Variants in ENPP1 observed in about 807,000 individuals in gnomAD.
The protein encoded by ENPP1 is ectonucleotide pyrophosphatase/phosphodiesterase 1.
Under a neutral mutation model 122.8 loss-of-function variants are expected in ENPP1, and 73 were observed. The observed-to-expected ratio is 0.59, with a 90% CI of 0.49 to 0.72. The LOEUF is 0.72. Among genes scored for constraint, ENPP1 ranks in the 30% least tolerant of loss-of-function variants. The probability of loss-of-function intolerance (pLI) is 0.00; values close to 1 mark genes in which losing one functional copy is unlikely to be tolerated. For synonymous variants in ENPP1, 367 were observed against 391.6 expected, an observed-to-expected ratio of 0.94 and a Z score of 0.74; for missense variants, 978 against 1,128.1, an observed-to-expected ratio of 0.87 and a Z score of 1.91.
rs909973941 is a variant in ENPP1, at chr6:131,893,488, C to T, written c.*2977C>T. The T allele has an allele frequency of 6.6e-6, 1 of 152,236 alleles. No individual in the cohort carries two copies. The highest frequency in any genetic ancestry group is 1.5e-5 in the Non-Finnish European group (1 of 68,048). The allele number at this position is 152,236 out of a possible 1,614,324, so 9.4% of individuals were successfully genotyped here. On this transcript the variant is annotated 3_prime_UTR_variant, in exon 25 of 25. Coordinates refer to ENST00000647893, the MANE Select transcript of ENPP1 (RefSeq NM_006208.3). The stretch of plus-strand genomic sequence containing the variant: ...TCAGATGAGCAAGGCAAAGAAGGGA[C>T]CTTCTAACATTCCTTGGATGGAACA...
intron 24 of ENPP1, among the ~76,000 whole-genome samples, chr6:131,889,525 C>T (rs1782435187): frequency 6.6e-6 from 1 of 152,170 alleles, no homozygotes; most frequent in Non-Finnish European, 1.5e-5. Flanking sequence ...AGGATAATGG[C>T]CTCCAGCTCC....
intron 9 of ENPP1, 127 bp from the exon 10 acceptor site, chr6:131,864,379 G>A (rs1782061495): frequency 1.5e-6 from 1 of 672,460 alleles, no homozygotes. Flanking sequence ...TAAAACCCTT[G>A]ATTTCAAACA....
chr6:131,869,448 C>T lies in ENPP1; in HGVS notation c.1364C>T (p.Ala455Val). 1 of 1,613,096 alleles carries T rather than the reference C, an allele frequency of 6.2e-7. No individual in the cohort carries two copies. Among genetic ancestry groups the T allele is most frequent in the Non-Finnish European group, 8.5e-7 (1 of 1,179,234 alleles). The change falls in exon 13 of 25, where the codon GCT becomes GTT. Residue 455 changes from alanine (A) to valine (V), a missense_variant. Ala to Val is a moderately conservative substitution (Grantham distance 64). This residue lies in a region of ENPP1 where 644 missense variants were observed against 781.5 expected (regional missense o/e 0.82). Transcript: ENST00000647893. ...ATTAAAGTTATCTATGGACCTGCAG[C>T]TCGATTGAGACCCTCTGATGTCCCA... ...KNIKVIYGPA[A>V]RLRPSDVPDK...
In ENPP1 at chr6:131,847,800, A is replaced by G; in HGVS notation, c.265A>G (p.Thr89Ala). ...GGTATTGTCAGTATGTGTGTTAACA[A>G]CAATACTTGGTTGTATATTTGGGTT... ...SLVLSVCVLTTILGCIFGLKP... is the reference protein window; with the variant it reads ...SLVLSVCVLTAILGCIFGLKP... The change falls in exon 2 of 25, where the codon ACA (threonine) becomes GCA (alanine). Residue 89 changes from threonine (T) to alanine (A), a missense_variant. Physicochemically the swap from Thr to Ala is moderately conservative, Grantham distance 58. Transcript: ENST00000647893. 6.2e-7 allele frequency: 1 copy of G among 1,612,230 alleles called. No homozygotes were observed. Among genetic ancestry groups the G allele is most frequent in the Non-Finnish European group, 8.5e-7 (1 of 1,179,394 alleles).
chr6:131,824,926 GGC>G (rs1227439460), intron 1 of ENPP1, among the ~76,000 whole-genome samples: 2 of 151,952 alleles, frequency 1.3e-5, no homozygotes, highest in Non-Finnish European at 2.9e-5. Flanking sequence ...CTGTTGTCGT[GGC>G]ACACACCTGT....
intron 1 of ENPP1, among the ~76,000 whole-genome samples, chr6:131,823,300 T>C (rs942534446): frequency 6.6e-6 from 1 of 152,216 alleles, no homozygotes; most frequent in Non-Finnish European, 1.5e-5. Context: ...TGGGAGTGTC[T>C]GGCCTAGCTC....
intron 1 of ENPP1, among the ~76,000 whole-genome samples, chr6:131,818,166 A>C (rs1781440063): frequency 1.3e-5 from 2 of 152,134 alleles, no homozygotes; most frequent in African/African-American, 4.8e-5. Flanking sequence ...TCAGTAGATT[A>C]AGACATTATT....
chr6:131,860,631 T>G (rs570186756), intron 8 of ENPP1, 125 bp downstream of exon 8: 1 of 712,170 alleles, frequency 1.4e-6, no homozygotes, highest in East Asian at 2.7e-5. Context: ...GGCCATTCTT[T>G]TGTAAATGGA....
At chr6:131,826,705 G>A (rs1781550201) in intron 1 of ENPP1, 2 of 579,422 alleles carry the variant, frequency 3.5e-6, no homozygotes, top group Non-Finnish European at 6.1e-6. Context: ...CAATTCTTCA[G>A]TGAAGGCAAG....
At position 131,873,011 on chromosome 6, in the gene ENPP1, C is replaced by G. The variant is rs960205515; in HGVS notation, c.1526C>G (p.Pro509Arg). The G allele has an allele frequency of 6.2e-7, 1 of 1,613,598 alleles. No homozygotes were observed. Among genetic ancestry groups the G allele is most frequent in the South Asian group, 1.1e-5 (1 of 91,068 alleles). The part of the protein sequence containing the change: ...LHFAKSDRIE[P>R]LTFYLDPQWQ... ...TTTGCTAAGAGTGATAGAATTGAGC[C>G]CTTGACATTCTATTTGGACCCTCAG... The change falls in exon 15 of 25, where the codon CCC (proline) becomes CGC (arginine). Residue 509 changes from proline (P) to arginine (R), a missense_variant. By Grantham distance (103) the Pro-to-Arg change is moderately radical (BLOSUM62 -2). Around this residue, in one of 3 missense-constraint regions of ENPP1, gnomAD observed 644 missense variants for 781.5 expected, o/e 0.82. Coordinates refer to ENST00000647893, the MANE Select transcript of ENPP1 (RefSeq NM_006208.3).
intron 5 of ENPP1, among the ~76,000 whole-genome samples, chr6:131,854,212 C>G (rs917814812): frequency 6.6e-6 from 1 of 151,926 alleles, no homozygotes; most frequent in Non-Finnish European, 1.5e-5. Flanking sequence ...CGAGACCAGC[C>G]TGGGCAACAT....
At chr6:131,859,485 A>T (rs1781989686) in intron 7 of ENPP1, among the ~76,000 whole-genome samples, 1 of 151,526 alleles carries the variant, frequency 6.6e-6, no homozygotes, top group Non-Finnish European at 1.5e-5. Flanking sequence ...TCCCGGGTTC[A>T]AGTAATTCTC....
At chr6:131,878,451 A>G (rs1782263178) in intron 18 of ENPP1, 91 bp from the exon 19 acceptor site, 1 of 798,862 alleles carries the variant, frequency 1.3e-6, no homozygotes, top group Non-Finnish European at 2.2e-6. Flanking sequence ...TCTTTGTTCT[A>G]TGTTGGAATA....
At position 131,855,605 on chromosome 6, in the gene ENPP1, C is replaced by T. The variant is rs141063584; in HGVS notation, c.715+582C>T. Among the ~76,000 whole-genome samples, 88 of 152,242 alleles carry T rather than the reference C, an allele frequency of 5.8e-4. No homozygotes were observed. The East Asian group carries it at 0.013, about 22-fold the overall frequency. Reference sequence around the variant, plus strand: ...CCTTCCAAAGTGCTAGGATTACAGGCGTGAGCCACCATGCCTGGCCTTATT... The same window carrying T: ...CCTTCCAAAGTGCTAGGATTACAGGTGTGAGCCACCATGCCTGGCCTTATT... On this transcript the variant is annotated intron_variant, in intron 6 of 24. Coordinates refer to ENST00000647893, the MANE Select transcript of ENPP1 (RefSeq NM_006208.3).
intron 1 of ENPP1, among the ~76,000 whole-genome samples, chr6:131,821,293 G>A (rs1781482032): frequency 6.6e-6 from 1 of 152,198 alleles, no homozygotes; most frequent in African/African-American, 2.4e-5. Context: ...AATTTCTGTA[G>A]CTGAGAATTC....
intron 1 of ENPP1, among the ~76,000 whole-genome samples, chr6:131,841,634 G>A (rs1585808369): frequency 1.3e-5 from 2 of 152,132 alleles, no homozygotes; most frequent in African/African-American, 4.8e-5. Flanking sequence ...TCAGCTTAAC[G>A]ATTATTTGTT....
chr6:131,823,217 G>T (rs558157385), intron 1 of ENPP1, among the ~76,000 whole-genome samples: 1 of 152,090 alleles, frequency 6.6e-6, no homozygotes, highest in South Asian at 2.1e-4. Flanking sequence ...CTATTTGTCC[G>T]GCCCTATGCT....
Position 131,893,577 on chromosome 6 carries a change from T to C in ENPP1, c.*3066T>C, listed in dbSNP as rs1007694120. On this transcript the variant is annotated 3_prime_UTR_variant, in exon 25 of 25. Transcript: ENST00000647893. Reference sequence around the variant, plus strand: ...TACAAGTGTCACTGTGACCAACTTATGTACACATACTTTTTCTTGCTTAGT... The same window carrying C: ...TACAAGTGTCACTGTGACCAACTTACGTACACATACTTTTTCTTGCTTAGT... 6.6e-6 allele frequency: 1 copy of C among 152,286 alleles called. No homozygotes were observed. Among genetic ancestry groups the C allele is most frequent in the African/African-American group, 2.4e-5 (1 of 41,484 alleles). 9.4% of individuals were successfully genotyped at this position (152,286 alleles called of 1,614,324 possible). A position where few individuals can be genotyped will look rare whatever the true frequency, so the allele number is the denominator to read the frequency against.
At position 131,838,747 on chromosome 6, in the gene ENPP1, G is replaced by T. The variant is rs140828943; in HGVS notation, c.241-9029G>T. ...GATTAAGTAAAAAACAGACAAAAAA[G>T]GGTGGCAGTACAAATCATATCAAGA... On this transcript the variant is annotated intron_variant, in intron 1 of 24. Coordinates refer to ENST00000647893, the MANE Select transcript of ENPP1 (RefSeq NM_006208.3). 2.2e-3 allele frequency among the ~76,000 whole-genome samples: 335 copies of T among 152,088 alleles called. 2 individuals are homozygous for T. The highest frequency in any genetic ancestry group is 7.8e-3 in the African/African-American group (323 of 41,546).
Sources: allele counts gnomAD v4.1 joint callset (sites outside exome capture counted in the v4.1 genomes callset), GRCh38; gene constraint gnomAD v4.1.1; regional missense constraint gnomAD v4.1.1; transcripts MANE v1.5; gene names NCBI Gene and HGNC (gene_info 2026-07-23, HGNC 2026-07-21).